CABYR: variants seen among roughly 807,000 people sequenced by gnomAD.
The protein encoded by CABYR is calcium-binding tyrosine phosphorylation-regulated protein.
CABYR carries 31 observed loss-of-function variants against 36.1 expected under a neutral mutation model. The ratio of observed to expected loss-of-function variants is 0.86; its 90% confidence interval spans 0.64 to 1.16. The LOEUF (loss-of-function observed/expected upper bound fraction) is 1.16. CABYR is among the 50% of genes most tolerant of loss of function. CABYR has a pLI of 0.00. For synonymous variants in CABYR, 146 were observed against 160.7 expected (o/e 0.91, Z 0.69); for missense variants, 429 against 455.8 (o/e 0.94, Z 0.53).
At chr18:24,145,588 A>C (rs1165420596) in intron 3 of CABYR, among the ~76,000 whole-genome samples, 1 of 152,192 alleles carries the variant, frequency 6.6e-6, no homozygotes, top group Admixed American at 6.5e-5. Context: ...TTGCACAAAA[A>C]TTTCCCTTGG....
At chr18:24,144,920 G>A (rs2085424276) in intron 3 of CABYR, among the ~76,000 whole-genome samples, 1 of 152,210 alleles carries the variant, frequency 6.6e-6, no homozygotes, top group Non-Finnish European at 1.5e-5. Flanking sequence ...CTAAGTCACA[G>A]TGTGTAAATT....
In CABYR at chr18:24,143,738, G is replaced by A. The variant is rs558525400; in HGVS notation, c.199+325G>A. Among the ~76,000 whole-genome samples, 35 of 152,102 alleles carry A rather than the reference G, an allele frequency of 2.3e-4. No homozygotes were observed. In the East Asian group the frequency reaches 2.9e-3, roughly 13 times the overall value. ...TTTGATAGTGATGGGGTCTTGCCTCGTTGCCCAGGCTAGACTTGAACTCCT... is the reference window on the plus strand; with the variant it reads ...TTTGATAGTGATGGGGTCTTGCCTCATTGCCCAGGCTAGACTTGAACTCCT... On this transcript the variant is annotated intron_variant, in intron 3 of 5. Transcript: ENST00000399496.
chr18:24,158,189 CCT>C (rs945571307), intron 4 of CABYR, among the ~76,000 whole-genome samples: 2 of 152,118 alleles, frequency 1.3e-5, no homozygotes, highest in African/African-American at 2.4e-5. Context: ...ATTATCAAAA[CCT>C]CTCTCCCTGT....
rs536472114 is a variant in CABYR at position 24,160,025 on chromosome 18, C to T, written c.1095C>T (p.Thr365=). 1.5e-5 allele frequency: 24 copies of T among 1,613,924 alleles called. No individual in the cohort carries two copies. Among genetic ancestry groups the T allele is most frequent in the African/African-American group, 1.3e-4 (10 of 74,892 alleles). ...GTTACGGTATTGCTGGGGAGGTAAC[C>T]GTGACTACTGCTCACAAACGTCGCA... ...FGSYGIAGEV[T]VTTAHKRRKA... Residue 365 remains threonine (T), a synonymous_variant, in exon 5 of 6, where the codon ACC becomes ACT. Transcript: ENST00000399496.
chr18:24,155,850 G>C lies in CABYR; in HGVS notation c.349G>C (p.Asp117His). The C allele has an allele frequency of 6.2e-7, 1 of 1,614,128 alleles. No individual in the cohort carries two copies. The highest frequency in any genetic ancestry group is 8.5e-7 in the Non-Finnish European group (1 of 1,180,026). Residue 117 changes from aspartate (D) to histidine (H), a missense_variant, in exon 4 of 6, where the codon GAC becomes CAC. Physicochemically the swap from Asp to His is moderately conservative, Grantham distance 81. Coordinates refer to ENST00000399496, the MANE Select transcript of CABYR (RefSeq NM_153769.3). The part of the protein sequence containing the change: ...EDNVTRTEYS[D>H]KTTQFPSVYA... ...CAATGTAACCAGAACAGAATATAGTGACAAAACCACCCAGTTTCCATCAGT... is the reference window on the plus strand; with the variant it reads ...CAATGTAACCAGAACAGAATATAGTCACAAAACCACCCAGTTTCCATCAGT...
chr18:24,155,667 AT>A, intron 3 of CABYR, 33 bp from the exon 4 acceptor site: 1 of 1,430,480 alleles, frequency 7.0e-7, no homozygotes, highest in Non-Finnish European at 9.5e-7. Context: ...ATCTTTTTAG[AT>A]GTTAATTAAC....
intron 4 of CABYR, chr18:24,156,695 A>T: frequency 6.2e-7 from 1 of 1,614,206 alleles, no homozygotes; most frequent in African/African-American, 1.3e-5. Flanking sequence ...AGCCTGAGGT[A>T]CCTGCACAAC....
At chr18:24,152,783 C>T (rs1160363573) in intron 3 of CABYR, 3 of 152,212 alleles carry the variant, frequency 2.0e-5, no homozygotes, top group East Asian at 1.9e-4. Flanking sequence ...TTGCAGTAAT[C>T]CAATCCCTAG....
chr18:24,145,328 T>C (rs149883664), intron 3 of CABYR, among the ~76,000 whole-genome samples: 246 of 152,340 alleles, frequency 1.6e-3, no homozygotes, highest in Non-Finnish European at 2.9e-3. Context: ...ATAAAAGCTG[T>C]ATAAATTATA....
At chr18:24,144,962 G>A (rs929753540) in intron 3 of CABYR, among the ~76,000 whole-genome samples, 1 of 152,180 alleles carries the variant, frequency 6.6e-6, no homozygotes, top group African/African-American at 2.4e-5. Flanking sequence ...GGCATCCAAA[G>A]CTTTCTATGA....
At chr18:24,149,169 G>A (rs540218682) in intron 3 of CABYR, among the ~76,000 whole-genome samples, 88 of 152,066 alleles carry the variant, frequency 5.8e-4, no homozygotes, top group Non-Finnish European at 1.0e-3. Context: ...ACAGAGTGTC[G>A]ATTGGTGCAT....
At chr18:24,150,939 C>T (rs1210005202) in intron 3 of CABYR, among the ~76,000 whole-genome samples, 1 of 152,022 alleles carries the variant, frequency 6.6e-6, no homozygotes, top group Non-Finnish European at 1.5e-5. Context: ...GCCACCACGC[C>T]CGGCTAATTT....
At chr18:24,158,404 C>T (rs969446342) in intron 4 of CABYR, among the ~76,000 whole-genome samples, 9 of 151,834 alleles carry the variant, frequency 5.9e-5, no homozygotes, top group Non-Finnish European at 8.8e-5. Context: ...CCACAACCTC[C>T]GCCTCCTGGG....
intron 5 of CABYR, among the ~76,000 whole-genome samples, chr18:24,160,464 G>C (rs2085929444): frequency 6.6e-6 from 1 of 152,202 alleles, no homozygotes; most frequent in Non-Finnish European, 1.5e-5. Flanking sequence ...AGGTAAGAGA[G>C]AAAGTCTTGA....
intron 1 of CABYR, among the ~76,000 whole-genome samples, chr18:24,141,172 A>G (rs991468265): frequency 2.6e-5 from 4 of 152,258 alleles, no homozygotes; most frequent in African/African-American, 9.6e-5. Context: ...ATACTTAATT[A>G]TATACTGAAA....
At chr18:24,158,497 T>C (rs777748500) in intron 4 of CABYR, among the ~76,000 whole-genome samples, 11 of 152,058 alleles carry the variant, frequency 7.2e-5, no homozygotes, top group Non-Finnish European at 1.5e-4. Context: ...TTTGTATTTT[T>C]AGTAGAGATG....
At position 24,155,942 on chromosome 18, in the gene CABYR, T is replaced by TACCCTTCC. The variant is rs1226041625; in HGVS notation, c.442_443insCCCTTCCA (p.Lys148ThrfsTer36). On this transcript the variant is annotated frameshift_variant, in exon 4 of 6. Transcript: ENST00000399496. LOFTEE classifies it high-confidence loss of function. ...GTCTTTCTTCCAAACCAGCCACCCCTAAGACTACTACCCCACCCTCATCAC... is the reference window on the plus strand; with the variant it reads ...GTCTTTCTTCCAAACCAGCCACCCCTACCCTTCCAAGACTACTACCCCACCCTCATCAC... The TACCCTTCC allele has an allele frequency of 6.2e-7, 1 of 1,614,170 alleles. No individual in the cohort carries two copies. The highest frequency in any genetic ancestry group is 1.7e-5 in the Admixed American group (1 of 60,012).
chr18:24,150,783 G>GTTTTTTT (rs10715707), intron 3 of CABYR, among the ~76,000 whole-genome samples: 1 of 113,586 alleles, frequency 8.8e-6, no homozygotes, highest in Non-Finnish European at 1.9e-5. Flanking sequence ...TTTGTTTTTT[G>GTTTTTTT]TTTTTTTTTT....
intron 4 of CABYR, chr18:24,156,306 G>C: frequency 1.2e-6 from 2 of 1,614,204 alleles, no homozygotes; most frequent in African/African-American, 1.3e-5. Flanking sequence ...GGATGAACAA[G>C]AACCTCCTGC....
Sources: allele counts gnomAD v4.1 joint callset (sites outside exome capture counted in the v4.1 genomes callset), GRCh38; gene constraint gnomAD v4.1.1; transcripts MANE v1.5; gene names NCBI Gene and HGNC (gene_info 2026-07-23, HGNC 2026-07-21).